The following PCDH17 variants were observed in gnomAD, a reference collection of about 807,000 sequenced individuals.
The protein encoded by PCDH17 is protocadherin 17, also known as protocadherin-17.
A neutral mutation model predicts 67.7 loss-of-function variants in PCDH17; 21 were observed. That is an observed-to-expected ratio of 0.31 (90% confidence interval 0.22 to 0.45). The LOEUF is 0.45. Ranked by LOEUF, PCDH17 falls within the 20% of genes least tolerant of loss-of-function variation. The pLI, the probability that PCDH17 is intolerant of heterozygous loss-of-function variation, is 1.00. For missense variants in PCDH17, 1,471 were observed against 1,564.8 expected, an observed-to-expected ratio of 0.94 and a Z score of 1.01; for synonymous variants, 701 against 656.7, an observed-to-expected ratio of 1.07 and a Z score of -1.03.
At chr13:57,644,014 G>C (rs959045679) in intron 1 of PCDH17, among the ~76,000 whole-genome samples, 1 of 151,618 alleles carries the variant, frequency 6.6e-6, no homozygotes, top group African/African-American at 2.4e-5. Context: ...AAAGTGTAGA[G>C]TGAGATACAG....
At chr13:57,675,395 C>T (rs1447811797) in intron 3 of PCDH17, among the ~76,000 whole-genome samples, 2 of 151,862 alleles carry the variant, frequency 1.3e-5, no homozygotes, top group East Asian at 1.9e-4. Context: ...AGGTATACCA[C>T]GGAATACAAA....
chr13:57,711,399 G>A (rs1490120365), intron 3 of PCDH17, among the ~76,000 whole-genome samples: 1 of 151,838 alleles, frequency 6.6e-6, no homozygotes, highest in Admixed American at 6.6e-5. Flanking sequence ...TGTCCACTAA[G>A]TGGTTCTCAG....
intron 3 of PCDH17, among the ~76,000 whole-genome samples, chr13:57,688,819 A>G (rs1955530617): frequency 6.6e-6 from 1 of 152,014 alleles, no homozygotes; most frequent in Admixed American, 6.6e-5. Flanking sequence ...CCATACCCAT[A>G]AATGAGAGGA....
chr13:57,707,311 T>G (rs1416801678), intron 3 of PCDH17, among the ~76,000 whole-genome samples: 2 of 149,816 alleles, frequency 1.3e-5, no homozygotes, highest in African/African-American at 4.9e-5. Flanking sequence ...ACTTTCTCTG[T>G]AGCTTTGTTT....
chr13:57,667,030 G>T (rs368210954), intron 3 of PCDH17, among the ~76,000 whole-genome samples, 197 bp downstream of exon 3: 1 of 152,046 alleles, frequency 6.6e-6, no homozygotes, highest in African/African-American at 2.4e-5. Context: ...AAGGCCCTGG[G>T]TATCATTCAT....
intron 3 of PCDH17, among the ~76,000 whole-genome samples, chr13:57,695,636 C>T (rs553792411): frequency 6.6e-6 from 1 of 151,256 alleles, no homozygotes; most frequent in Admixed American, 6.6e-5. Flanking sequence ...CTCCGCAAAA[C>T]TACATTTTTC....
chr13:57,633,147 C>G lies in PCDH17; in HGVS notation c.601C>G (p.Leu201Val). The change falls in exon 1 of 4, where the codon CTG becomes GTG. Residue 201 changes from leucine to valine, a missense_variant. By Grantham distance (32) the Leu-to-Val change is conservative. Around this residue, in one of 3 missense-constraint regions of PCDH17, gnomAD observed 1,163 missense variants for 1,230.0 expected, o/e 0.95. Coordinates refer to ENST00000377918, the MANE Select transcript of PCDH17 (RefSeq NM_001040429.3). This position sits in a 1 kb window ranked among gnomAD's most constrained non-coding sequence, Gnocchi z 6.2. ...KFPELVIQKA[L>V]DREQQNHHTL... ...CCCAGAACTGGTCATCCAGAAGGCT[C>G]TGGACCGCGAGCAACAGAATCACCA... is the stretch of plus-strand genomic sequence containing the variant. The G allele has an allele frequency of 6.2e-7, 1 of 1,613,500 alleles. No individual in the cohort carries two copies. Among genetic ancestry groups the G allele is most frequent in the Non-Finnish European group, 8.5e-7 (1 of 1,180,004 alleles).
At chr13:57,676,991 T>C (rs886342230) in intron 3 of PCDH17, among the ~76,000 whole-genome samples, 1 of 151,880 alleles carries the variant, frequency 6.6e-6, no homozygotes, top group East Asian at 1.9e-4. Flanking sequence ...TTGAAAAAAA[T>C]ATGTTTTGAA....
rs534928952 is a variant in PCDH17, at chr13:57,632,639, C to G, written c.93C>G (p.Ala31=). 1.9e-6 allele frequency: 3 copies of G among 1,613,382 alleles called. No homozygotes were observed. Among genetic ancestry groups the G allele is most frequent in the African/African-American group, 1.3e-5 (1 of 75,060 alleles). The change falls in exon 1 of 4, where the codon GCC becomes GCG. Residue 31 remains alanine, a synonymous_variant. Transcript: ENST00000377918. ...ACTCCGTGCCGGAGGAGCAAGGGGC[C>G]GGCACGGTGATCGGGAACATCGGCA... The part of the protein sequence containing the change: ...LNYSVPEEQG[A]GTVIGNIGRD...
At chr13:57,668,462 T>G (rs1955281964) in intron 3 of PCDH17, among the ~76,000 whole-genome samples, 1 of 152,048 alleles carries the variant, frequency 6.6e-6, no homozygotes, top group South Asian at 2.1e-4. Context: ...GCTGTTCACA[T>G]TAACTGTTTA....
intron 3 of PCDH17, among the ~76,000 whole-genome samples, chr13:57,688,862 C>T (rs1290205816): frequency 1.3e-5 from 2 of 151,990 alleles, no homozygotes; most frequent in Non-Finnish European, 2.9e-5. Flanking sequence ...GTCTTACCAC[C>T]TCATAATGCA....
At chr13:57,723,690 C>T (rs1412433656) in intron 3 of PCDH17, among the ~76,000 whole-genome samples, 1 of 152,130 alleles carries the variant, frequency 6.6e-6, no homozygotes, top group Non-Finnish European at 1.5e-5. Flanking sequence ...GACGATGTAG[C>T]TCAAAGTTAT....
At chr13:57,651,418 G>A (rs10444646) in intron 1 of PCDH17, among the ~76,000 whole-genome samples, 1 of 137,848 alleles carries the variant, frequency 7.3e-6, no homozygotes, top group Non-Finnish European at 1.5e-5. Flanking sequence ...CAGGAGTGCA[G>A]TGGCACGATC....
intron 1 of PCDH17, among the ~76,000 whole-genome samples, chr13:57,639,264 C>A (rs1954861994): frequency 1.3e-5 from 2 of 151,756 alleles, no homozygotes; most frequent in Admixed American, 6.6e-5. Flanking sequence ...TTTTATCAGG[C>A]ATTAAAAGTA....
intron 1 of PCDH17, among the ~76,000 whole-genome samples, chr13:57,638,452 C>T (rs565084121): frequency 6.6e-6 from 1 of 152,168 alleles, no homozygotes; most frequent in African/African-American, 2.4e-5. Context: ...TGTGTTTTCA[C>T]ATTTTTTGTA....
intron 1 of PCDH17, among the ~76,000 whole-genome samples, chr13:57,644,980 G>A (rs1431330768): frequency 6.6e-6 from 1 of 151,652 alleles, no homozygotes; most frequent in Non-Finnish European, 1.5e-5. Flanking sequence ...CCATGGAAGT[G>A]ATCCCAAAGC....
At position 57,725,451 on chromosome 13, in the gene PCDH17, T is replaced by G. The variant is rs1265387571; in HGVS notation, c.*157T>G. On this transcript the variant is annotated 3_prime_UTR_variant, in exon 4 of 4. Coordinates refer to ENST00000377918, the MANE Select transcript of PCDH17 (RefSeq NM_001040429.3). ...CTGAAGTGCCCACAAGTATGTTCTTTCCACTGCTGATTTCTTTTTCAGAGA... is the reference window on the plus strand; with the variant it reads ...CTGAAGTGCCCACAAGTATGTTCTTGCCACTGCTGATTTCTTTTTCAGAGA... 6.7e-6 allele frequency: 4 copies of G among 599,062 alleles called. No individual in the cohort carries two copies. The South Asian group carries it at 1.0e-4, about 16-fold the overall frequency. 37.1% of individuals were successfully genotyped at this position (599,062 alleles called of 1,614,324 possible).
Position 57,633,251 on chromosome 13 carries a change from C to T in PCDH17, c.705C>T (p.Asp235=). 3 of 1,613,360 alleles carry T rather than the reference C, an allele frequency of 1.9e-6. No individual in the cohort carries two copies. Among genetic ancestry groups the T allele is most frequent in the Non-Finnish European group, 2.5e-6 (3 of 1,180,022 alleles). The change falls in exon 1 of 4, where the codon GAC becomes GAT. Residue 235 remains aspartate, a synonymous_variant. Transcript: ENST00000377918. The surrounding 1 kb of genome is among the most constrained non-coding windows in gnomAD (Gnocchi z 6.2). ...ATVQINVKVI[D]SNDNSPVFEA... The stretch of plus-strand genomic sequence containing the variant: ...TACAGATCAACGTGAAGGTGATTGA[C>T]TCCAACGACAACAGCCCGGTCTTCG...
chr13:57,693,338 A>ATATATATGTATT lies in PCDH17; in HGVS notation c.2797+26512_2797+26513insGTATTTATATAT, dbSNP rs1401987726. On this transcript the variant is annotated intron_variant, in intron 3 of 3. Coordinates refer to ENST00000377918, the MANE Select transcript of PCDH17 (RefSeq NM_001040429.3). Reference sequence around the variant, plus strand: ...TTCATATATATATATATATATATATATATATATCAAGGAGTTAGGATACAA... The same window carrying ATATATATGTATT: ...TTCATATATATATATATATATATATATATATATGTATTTATATATCAAGGAGTTAGGATACAA... Among the ~76,000 whole-genome samples the ATATATATGTATT allele has an allele frequency of 8.4e-5, 12 of 142,124 alleles. No individual in the cohort carries two copies. In the Middle Eastern group the frequency reaches 0.012, roughly 138 times the overall value. The allele number at this position is 142,124 out of a possible 152,430, so 93.2% of individuals were successfully genotyped here. A position where few individuals can be genotyped will look rare whatever the true frequency, so the allele number is the denominator to read the frequency against.
Sources: allele counts gnomAD v4.1 joint callset (sites outside exome capture counted in the v4.1 genomes callset), GRCh38; gene constraint gnomAD v4.1.1; regional missense constraint gnomAD v4.1.1; non-coding constraint Gnocchi (gnomAD v3.1); transcripts MANE v1.5; gene names NCBI Gene and HGNC (gene_info 2026-07-23, HGNC 2026-07-21).